Variants in CCDC88A observed in about 807,000 individuals in gnomAD.
CCDC88A encodes coiled-coil and HOOK domain protein 88A.
A neutral mutation model predicts 234.3 loss-of-function variants in CCDC88A; 54 were observed. The ratio of observed to expected loss-of-function variants is 0.23; its 90% CI spans 0.19 to 0.29. CCDC88A has a LOEUF of 0.29. Ranked by LOEUF, CCDC88A falls within the 10% of genes least tolerant of loss-of-function variation. CCDC88A has a pLI of 1.00. For synonymous variants in CCDC88A, 753 were observed against 737.8 expected (o/e 1.02, Z -0.33); for missense variants, 1,832 against 2,123.4 (o/e 0.86, Z 2.70).
intron 22 of CCDC88A, 178 bp from the exon 23 acceptor site, chr2:55,312,757 CTG>C: frequency 2.0e-6 from 1 of 496,270 alleles, no homozygotes. Flanking sequence ...GGGTTACATG[CTG>C]TCTCTCTCTC....
chr2:55,380,534 T>C (rs1447604728), intron 3 of CCDC88A, among the ~76,000 whole-genome samples: 2 of 151,712 alleles, frequency 1.3e-5, no homozygotes, highest in African/African-American at 4.9e-5. Context: ...TGAAAGATAT[T>C]ACAATTTCAT....
At chr2:55,408,381 C>A (rs544515807) in intron 2 of CCDC88A, among the ~76,000 whole-genome samples, 1 of 152,196 alleles carries the variant, frequency 6.6e-6, no homozygotes, top group South Asian at 2.1e-4. Flanking sequence ...ACTTGCTGAG[C>A]TTCATTCCCG....
intron 2 of CCDC88A, among the ~76,000 whole-genome samples, chr2:55,389,680 T>C (rs1307638084): frequency 6.6e-6 from 1 of 152,172 alleles, no homozygotes; most frequent in East Asian, 1.9e-4. Flanking sequence ...CTTTGTAATC[T>C]TAATTGATGA....
chr2:55,296,558 A>C, intron 29 of CCDC88A, 35 bp from the exon 30 acceptor site: 1 of 1,591,716 alleles, frequency 6.3e-7, no homozygotes, highest in Non-Finnish European at 8.6e-7. Context: ...GATTTCAATA[A>C]TAGAATTGAG....
At chr2:55,336,280 G>T (rs1477238726) in intron 14 of CCDC88A, among the ~76,000 whole-genome samples, 1 of 152,062 alleles carries the variant, frequency 6.6e-6, no homozygotes, top group African/African-American at 2.4e-5. Context: ...ACATTAAAGA[G>T]CTGAAAACAA....
intron 2 of CCDC88A, among the ~76,000 whole-genome samples, chr2:55,393,084 T>C (rs62137157): frequency 0.51 from 76,697 of 151,742 alleles, 21,463 homozygotes; most frequent in Admixed American, 0.63. Context: ...ACATTAGTAA[T>C]ATTAATTTGA....
Position 55,332,719 on chromosome 2 carries a change from C to T in CCDC88A, c.2728-26G>A. 6.2e-7 allele frequency: 1 copy of T among 1,607,240 alleles called. No homozygotes were observed. Among genetic ancestry groups the T allele is most frequent in the South Asian group, 1.1e-5 (1 of 90,880 alleles). On this transcript the variant is annotated intron_variant, in intron 15 of 32. Coordinates refer to ENST00000436346, the MANE Select transcript of CCDC88A (RefSeq NM_001365480.1). This position sits in a 1 kb window ranked among gnomAD's most constrained non-coding sequence, Gnocchi z 4.5. The stretch of plus-strand genomic sequence containing the variant: ...CTTATTTTAAAAGAAATGCAAAACT[C>T]ACCTAAGTGTCAAGGGTATAAACAT...
chr2:55,370,843 T>TAAA (rs10606095), intron 5 of CCDC88A, among the ~76,000 whole-genome samples: 2 of 135,346 alleles, frequency 1.5e-5, no homozygotes, highest in African/African-American at 2.7e-5. Flanking sequence ...CCCCATTTCT[T>TAAA]AAAAAAAAAA....
intron 2 of CCDC88A, chr2:55,417,397 A>G (rs1357861782): frequency 6.6e-6 from 1 of 152,002 alleles, no homozygotes; most frequent in Non-Finnish European, 1.5e-5. Flanking sequence ...TCTGTCATGT[A>G]GGTTCCCCAA....
chr2:55,317,736 T>C lies in CCDC88A; in HGVS notation c.3430A>G (p.Lys1144Glu). The change falls in exon 20 of 33, where the codon AAA (lysine) becomes GAA (glutamate). Residue 1144 changes from lysine (K) to glutamate (E), a missense_variant. Transcript: ENST00000436346. This position sits in a 1 kb window ranked among gnomAD's most constrained non-coding sequence, Gnocchi z 4.2. ...AGAGATTTTAGGTCTTCTCGCTCTTTGATTACAGATTCATTTTCATTTTCT... is the reference window on the plus strand; with the variant it reads ...AGAGATTTTAGGTCTTCTCGCTCTTCGATTACAGATTCATTTTCATTTTCT... Reference protein sequence around the residue: ...SLENENESVIKEREDLKSLYD... With the variant: ...SLENENESVIEEREDLKSLYD... 1 of 1,613,600 alleles carries C rather than the reference T, an allele frequency of 6.2e-7. No homozygotes were observed. Among genetic ancestry groups the C allele is most frequent in the Non-Finnish European group, 8.5e-7 (1 of 1,179,660 alleles).
At chr2:55,384,129 G>A (rs750855960) in intron 3 of CCDC88A, among the ~76,000 whole-genome samples, 1 of 151,970 alleles carries the variant, frequency 6.6e-6, no homozygotes, top group Non-Finnish European at 1.5e-5. Context: ...AGCCCAGAAG[G>A]TCTTAGCTAC....
At chr2:55,345,848 G>T (rs963615176) in intron 10 of CCDC88A, 13 of 176,234 alleles carry the variant, frequency 7.4e-5, no homozygotes, top group African/African-American at 1.2e-4. Context: ...AATATGTTTT[G>T]CTTTCACTTT....
chr2:55,333,211 C>A (rs7558687), intron 15 of CCDC88A, among the ~76,000 whole-genome samples: 47,237 of 151,952 alleles, frequency 0.31, 7,626 homozygotes, highest in East Asian at 0.54. Context: ...GCTTCTTTAG[C>A]AGAAATGCAG....
chr2:55,353,033 T>C (rs1030451476), intron 8 of CCDC88A, among the ~76,000 whole-genome samples: 1 of 152,182 alleles, frequency 6.6e-6, no homozygotes, highest in Non-Finnish European at 1.5e-5. Flanking sequence ...AGATATTAGA[T>C]GGTATTTGTT....
At position 55,288,540 on chromosome 2, in the gene CCDC88A, A is replaced by G. The variant is rs1679220569; in HGVS notation, c.*2660T>C. On this transcript the variant is annotated 3_prime_UTR_variant, in exon 33 of 33. Coordinates refer to ENST00000436346, the MANE Select transcript of CCDC88A (RefSeq NM_001365480.1). Reference sequence around the variant, plus strand: ...TTCATTGTGAGGTGGCTACAACTCTATAATATGCACAGTGATTTTAAAATA... The same window carrying G: ...TTCATTGTGAGGTGGCTACAACTCTGTAATATGCACAGTGATTTTAAAATA... 1 of 152,694 alleles carries G rather than the reference A, an allele frequency of 6.5e-6. No homozygotes were observed. Among genetic ancestry groups the G allele is most frequent in the Admixed American group, 6.5e-5 (1 of 15,284 alleles). 9.5% of individuals were successfully genotyped at this position (152,694 alleles called of 1,614,324 possible). A position where few individuals can be genotyped will look rare whatever the true frequency, so the allele number is the denominator to read the frequency against.
intron 25 of CCDC88A, 82 bp downstream of exon 25, chr2:55,308,727 C>T: frequency 3.1e-6 from 3 of 954,062 alleles, no homozygotes; most frequent in South Asian, 1.5e-5. Flanking sequence ...CAGACTATTC[C>T]CCCAAAGGAC....
chr2:55,387,779 C>CAAAAAAAAAAAAAA (rs66479611), intron 3 of CCDC88A, among the ~76,000 whole-genome samples: 31 of 64,746 alleles, frequency 4.8e-4, no homozygotes, highest in African/African-American at 6.6e-4. Flanking sequence ...GGCTCCATCT[C>CAAAAAAAAAAAAAA]AAAAAAAAAA....
chr2:55,413,542 C>T (rs1055270778), intron 2 of CCDC88A, among the ~76,000 whole-genome samples: 1 of 152,206 alleles, frequency 6.6e-6, no homozygotes, highest in Non-Finnish European at 1.5e-5. Context: ...TTCCACTTTA[C>T]TACACATGGC....
At chr2:55,295,481 C>T (rs1679923724) in intron 31 of CCDC88A, 116 bp downstream of exon 31, 2 of 1,589,206 alleles carry the variant, frequency 1.3e-6, no homozygotes, top group Non-Finnish European at 1.7e-6. Flanking sequence ...AGTTTCTAGC[C>T]TGGGCATATA....
Sources: allele counts gnomAD v4.1 joint callset (sites outside exome capture counted in the v4.1 genomes callset), GRCh38; gene constraint gnomAD v4.1.1; non-coding constraint Gnocchi (gnomAD v3.1); transcripts MANE v1.5; gene names NCBI Gene and HGNC (gene_info 2026-07-23, HGNC 2026-07-21).